The following DDX27 variants were observed in gnomAD, a reference collection of about 807,000 sequenced individuals.
The protein encoded by DDX27 is DEAD-box helicase 27.
In DDX27, 42 loss-of-function variants were observed where a neutral mutation model predicts 99.3. The observed-to-expected ratio is 0.42, with a 90% CI of 0.33 to 0.55. DDX27 has a LOEUF of 0.55. Among genes scored for constraint, DDX27 ranks in the 20% least tolerant of loss-of-function variants. The pLI is 0.07. For synonymous variants in DDX27, 329 were observed against 353.8 expected, an observed-to-expected ratio of 0.93 and a Z score of 0.79; for missense variants, 798 against 976.8, an observed-to-expected ratio of 0.82 and a Z score of 2.44.
Position 49,230,326 on chromosome 20 carries a change from G to C in DDX27, c.1008G>C (p.Val336=). Residue 336 remains valine (V), a synonymous_variant, in exon 9 of 21, where the codon GTG becomes GTC. Coordinates refer to ENST00000618172, the MANE Select transcript of DDX27 (RefSeq NM_017895.8). ...CPSFHLSSIE[V]LILDEADRML... Reference sequence around the variant, plus strand: ...CCTTCCACCTGAGCAGCATCGAGGTGCTCATCCTGGACGAGGCTGACAGGT... The same window carrying C: ...CCTTCCACCTGAGCAGCATCGAGGTCCTCATCCTGGACGAGGCTGACAGGT... 1.2e-6 allele frequency: 2 copies of C among 1,609,774 alleles called. No individual in the cohort carries two copies. Among genetic ancestry groups the C allele is most frequent in the Non-Finnish European group, 1.7e-6 (2 of 1,179,904 alleles).
chr20:49,239,421 T>G (rs1246734925), intron 16 of DDX27, 83 bp downstream of exon 16: 2 of 1,018,680 alleles, frequency 2.0e-6, no homozygotes, highest in Admixed American at 5.3e-5. Flanking sequence ...TTCTATACTG[T>G]AAAGCAGCGG....
rs1354414928 is a variant in DDX27 at position 49,236,559 on chromosome 20, A to G, written c.1687+49A>G. 6.7e-7 allele frequency: 1 copy of G among 1,502,154 alleles called. No homozygotes were observed. The allele number at this position is 1,502,154 out of a possible 1,614,324, so 93.1% of individuals were successfully genotyped here. A position where few individuals can be genotyped will look rare whatever the true frequency, so the allele number is the denominator to read the frequency against. On this transcript the variant is annotated intron_variant, in intron 14 of 20. Coordinates refer to ENST00000618172, the MANE Select transcript of DDX27 (RefSeq NM_017895.8). The surrounding 1 kb of genome is among the most constrained non-coding windows in gnomAD (Gnocchi z 4.1). ...TGCAGAATGGCTCGGTGGGCGGGGC[A>G]AGGACAGAGTGTAATGGCTGAGAGC...
intron 19 of DDX27, among the ~76,000 whole-genome samples, chr20:49,243,134 C>T (rs546604356): frequency 6.6e-6 from 1 of 152,130 alleles, no homozygotes; most frequent in South Asian, 2.1e-4. Flanking sequence ...CTGTTCTCCA[C>T]CCCCCACCCC....
At chr20:49,222,918 A>T in intron 2 of DDX27, 39 bp from the exon 3 acceptor site, 1 of 1,538,032 alleles carries the variant, frequency 6.5e-7, no homozygotes, top group Non-Finnish European at 8.8e-7. Flanking sequence ...CGATGTTTCA[A>T]TGAAAATTTC....
In DDX27 at chr20:49,223,482, G is replaced by C. The variant is rs750406774; in HGVS notation, c.466+49G>C. 6.5e-6 allele frequency: 10 copies of C among 1,542,174 alleles called. No individual in the cohort carries two copies. In the South Asian group the frequency reaches 9.9e-5, roughly 15 times the overall value. On this transcript the variant is annotated intron_variant, in intron 4 of 20. Transcript: ENST00000618172. ...AGTAATGGGGACAGGAGATCAGAAG[G>C]CATCCTCCTTTACTTTGTAGGGTTT...
chr20:49,235,167 C>T, intron 12 of DDX27, 79 bp downstream of exon 12: 1 of 1,473,334 alleles, frequency 6.8e-7, no homozygotes. Flanking sequence ...GGACCCTGAG[C>T]ATTCTATTAG....
rs1170997600 is a variant in DDX27 at position 49,233,334 on chromosome 20, A to C, written c.1060A>C (p.Met354Leu). The C allele has an allele frequency of 6.2e-7, 1 of 1,614,072 alleles. No homozygotes were observed. The highest frequency in any genetic ancestry group is 8.5e-7 in the Non-Finnish European group (1 of 1,180,030). Residue 354 changes from methionine (M) to leucine (L), a missense_variant, in exon 10 of 21, where the codon ATG becomes CTG. Physicochemically the swap from Met to Leu is conservative, Grantham distance 15. This residue lies in a region of DDX27 where 553 missense variants were observed against 727.9 expected (regional missense o/e 0.76). Coordinates refer to ENST00000618172, the MANE Select transcript of DDX27 (RefSeq NM_017895.8). ...GCTGGATGAGTACTTTGAGGAGCAGATGAAGGAGATCATCCGAATGTGTTC... is the reference window on the plus strand; with the variant it reads ...GCTGGATGAGTACTTTGAGGAGCAGCTGAAGGAGATCATCCGAATGTGTTC... ...RMLDEYFEEQ[M>L]KEIIRMCSHH...
chr20:49,242,661 C>T lies in DDX27; in HGVS notation c.2184C>T (p.Ala728=). ...DEELTNTSKK[A]LKQYRAGPSF... ...AACTCACCAACACAAGCAAGAAGGC[C>T]CTGAAACAGTATCGAGCTGGGTAGG... is the stretch of plus-strand genomic sequence containing the variant. Residue 728 remains alanine, a synonymous_variant, in exon 19 of 21, where the codon GCC becomes GCT. Coordinates refer to ENST00000618172, the MANE Select transcript of DDX27 (RefSeq NM_017895.8). 3.1e-6 allele frequency: 5 copies of T among 1,614,062 alleles called. No homozygotes were observed. The South Asian group carries it at 5.5e-5, about 18-fold the overall frequency.
Position 49,243,961 on chromosome 20 carries a change from G to C in DDX27, c.*127G>C. ...AACAAAAACAAAAAACAACACTTTG[G>C]TGTGGTGGTATGGTACGTAGCTATT... On this transcript the variant is annotated 3_prime_UTR_variant, in exon 21 of 21. Coordinates refer to ENST00000618172, the MANE Select transcript of DDX27 (RefSeq NM_017895.8). 1 of 1,151,030 alleles carries C rather than the reference G, an allele frequency of 8.7e-7. No individual in the cohort carries two copies. The highest frequency in any genetic ancestry group is 1.4e-5 in the South Asian group (1 of 70,472). 71.3% of individuals were successfully genotyped at this position (1,151,030 alleles called of 1,614,324 possible).
Position 49,236,945 on chromosome 20 carries a change from C to T in DDX27, c.1687+435C>T, listed in dbSNP as rs1438353613. 2.0e-5 allele frequency among the ~76,000 whole-genome samples: 3 copies of T among 152,126 alleles called. No individual in the cohort carries two copies. Among genetic ancestry groups the T allele is most frequent in the Non-Finnish European group, 4.4e-5 (3 of 68,030 alleles). On this transcript the variant is annotated intron_variant, in intron 14 of 20. Coordinates refer to ENST00000618172, the MANE Select transcript of DDX27 (RefSeq NM_017895.8). This position sits in a 1 kb window ranked among gnomAD's most constrained non-coding sequence, Gnocchi z 4.1. ...TGTTTTGTTCTTGAATTCCTAGGCTCAAGCAATCCACCCACCTTCTGCCTC... is the reference window on the plus strand; with the variant it reads ...TGTTTTGTTCTTGAATTCCTAGGCTTAAGCAATCCACCCACCTTCTGCCTC...
At chr20:49,229,069 G>A (rs1294393461) in intron 8 of DDX27, among the ~76,000 whole-genome samples, 181 bp downstream of exon 8, 1 of 134,128 alleles carries the variant, frequency 7.5e-6, no homozygotes, top group Non-Finnish European at 1.5e-5. Flanking sequence ...GAGGAGTCTC[G>A]CTCTGTCGCC....
intron 20 of DDX27, 50 bp downstream of exon 20, chr20:49,243,753 A>T (rs1346865655): frequency 5.6e-6 from 9 of 1,613,910 alleles, no homozygotes; most frequent in African/African-American, 1.3e-5. Context: ...TAGAGATAAA[A>T]ACCTTTCATG....
chr20:49,228,756 A>G lies in DDX27; in HGVS notation c.748A>G (p.Ile250Val). 1 of 1,612,138 alleles carries G rather than the reference A, an allele frequency of 6.2e-7. No individual in the cohort carries two copies. Among genetic ancestry groups the G allele is most frequent in the Non-Finnish European group, 8.5e-7 (1 of 1,178,956 alleles). ...AFALPVLERL[I>V]YKPRQAPVTR... is the part of the protein sequence containing the mutation. The stretch of plus-strand genomic sequence containing the variant: ...TGCCCTGCCTGTTTTGGAGCGTCTG[A>G]TTTATAAACCCCGCCAGGCTCCAGT... Residue 250 changes from isoleucine (I) to valine (V), a missense_variant, in exon 8 of 21, where the codon ATT becomes GTT. Around this residue, in one of 2 missense-constraint regions of DDX27, gnomAD observed 553 missense variants for 727.9 expected, o/e 0.76. Coordinates refer to ENST00000618172, the MANE Select transcript of DDX27 (RefSeq NM_017895.8).
chr20:49,235,131 G>A (rs747238072), intron 12 of DDX27, 43 bp downstream of exon 12: 1 of 1,543,036 alleles, frequency 6.5e-7, no homozygotes. Flanking sequence ...CATCCTTCTG[G>A]GGCAGAGAGG....
intron 6 of DDX27, 40 bp from the exon 7 acceptor site, chr20:49,226,390 C>A: frequency 6.5e-7 from 1 of 1,544,300 alleles, no homozygotes; most frequent in Non-Finnish European, 8.9e-7. Context: ...CTGAGACTTC[C>A]CCCGCTCAAC....
intron 10 of DDX27, 77 bp downstream of exon 10, chr20:49,233,482 G>C: frequency 6.2e-7 from 1 of 1,602,292 alleles, no homozygotes; most frequent in Non-Finnish European, 8.5e-7. Context: ...GGCTGGGCTT[G>C]AGGGGGTTTG....
chr20:49,243,283 T>C (rs1202734269), intron 19 of DDX27, among the ~76,000 whole-genome samples: 3 of 152,112 alleles, frequency 2.0e-5, no homozygotes, highest in Admixed American at 6.6e-5. Context: ...AACTCTTTCA[T>C]CTCAAGTTCC....
intron 11 of DDX27, 129 bp downstream of exon 11, chr20:49,233,838 T>C (rs936929402): frequency 2.8e-4 from 290 of 1,021,030 alleles, no homozygotes; most frequent in Non-Finnish European, 2.9e-4. Flanking sequence ...GAGGCTGCAC[T>C]GCACTAATGA....
chr20:49,235,978 C>T (rs530901065), intron 12 of DDX27, 172 bp from the exon 13 acceptor site: 94 of 479,734 alleles, frequency 2.0e-4, no homozygotes, highest in Non-Finnish European at 3.2e-4. Flanking sequence ...CTCCTGACCT[C>T]GTGATCTGCC....
Sources: allele counts gnomAD v4.1 joint callset (sites outside exome capture counted in the v4.1 genomes callset), GRCh38; gene constraint gnomAD v4.1.1; regional missense constraint gnomAD v4.1.1; non-coding constraint Gnocchi (gnomAD v3.1); transcripts MANE v1.5; gene names NCBI Gene and HGNC (gene_info 2026-07-23, HGNC 2026-07-21).